Variants in OPCML observed in about 807,000 individuals in gnomAD.
OPCML encodes the protein opioid binding protein/cell adhesion molecule like.
A neutral mutation model predicts 37.8 loss-of-function variants in OPCML; 13 were observed. That is an observed-to-expected ratio of 0.34 (90% CI 0.22 to 0.55). The LOEUF (loss-of-function observed/expected upper bound fraction) is 0.55. Among genes scored for constraint, OPCML ranks in the 20% least tolerant of loss-of-function variants. OPCML has a pLI of 0.91. For missense variants in OPCML, 341 were observed against 435.6 expected, an observed-to-expected ratio of 0.78 and a Z score of 1.93; for synonymous variants, 176 against 168.8, an observed-to-expected ratio of 1.04 and a Z score of -0.33.
intron 1 of OPCML, among the ~76,000 whole-genome samples, chr11:133,245,831 G>A (rs1171356950): frequency 2.0e-5 from 3 of 152,154 alleles, no homozygotes; most frequent in African/African-American, 4.8e-5. Flanking sequence ...CATGGATAAA[G>A]CCGGAAACCA....
intron 1 of OPCML, among the ~76,000 whole-genome samples, chr11:133,239,205 G>A (rs923748443): frequency 2.6e-5 from 4 of 152,216 alleles, no homozygotes; most frequent in Non-Finnish European, 5.9e-5. Flanking sequence ...CATGAAGCTA[G>A]GCACACACCA....
chr11:132,883,450 C>A (rs1943292600), intron 2 of OPCML, among the ~76,000 whole-genome samples: 1 of 152,132 alleles, frequency 6.6e-6, no homozygotes, highest in Non-Finnish European at 1.5e-5. Context: ...TAGAGAGCTG[C>A]AAAATTACCA....
intron 1 of OPCML, among the ~76,000 whole-genome samples, chr11:133,085,311 C>G (rs1456953790): frequency 2.6e-5 from 4 of 152,180 alleles, no homozygotes; most frequent in African/African-American, 9.6e-5. Context: ...AGTTTCCCCT[C>G]ATTACCTTCC....
chr11:132,679,142 C>T (rs914311588), intron 2 of OPCML, among the ~76,000 whole-genome samples: 1 of 152,140 alleles, frequency 6.6e-6, no homozygotes, highest in Non-Finnish European at 1.5e-5. Flanking sequence ...TCCTCAGGGA[C>T]TGCTTGTGGG....
chr11:133,068,939 A>G (rs1948481240), intron 1 of OPCML, among the ~76,000 whole-genome samples: 1 of 152,234 alleles, frequency 6.6e-6, no homozygotes, highest in South Asian at 2.1e-4. Context: ...CTTAGTTCAC[A>G]GTGAGAGATG....
chr11:132,914,367 C>T lies in OPCML; in HGVS notation c.146+28559G>A, dbSNP rs150666877. On this transcript the variant is annotated intron_variant, in intron 2 of 7. Transcript: ENST00000524381. ...GAGTTTGCACATCTAATTACACGACCTGGTAATATGGTTCGTCTCTTGTGA... is the reference window on the plus strand; with the variant it reads ...GAGTTTGCACATCTAATTACACGACTTGGTAATATGGTTCGTCTCTTGTGA... Among the ~76,000 whole-genome samples the T allele has an allele frequency of 2.5e-3, 376 of 152,320 alleles. 1 individual carries two copies. The highest frequency in any genetic ancestry group is 8.6e-3 in the African/African-American group (357 of 41,572).
intron 1 of OPCML, among the ~76,000 whole-genome samples, chr11:133,399,512 T>G (rs1945355568): frequency 6.6e-6 from 1 of 152,094 alleles, no homozygotes; most frequent in African/African-American, 2.4e-5. Context: ...TGCCACCCTC[T>G]CACAGTGCAG....
At position 133,511,641 on chromosome 11, in the gene OPCML, C is replaced by G. The variant is rs957322720; in HGVS notation, c.61+20623G>C. Among the ~76,000 whole-genome samples, 7 of 152,122 alleles carry G rather than the reference C, an allele frequency of 4.6e-5. No individual in the cohort carries two copies. The East Asian group carries it at 1.2e-3, about 25-fold the overall frequency. On this transcript the variant is annotated intron_variant, in intron 1 of 7. Transcript: ENST00000524381. The stretch of plus-strand genomic sequence containing the variant: ...CCTCCTTCAGTGAGGTCTGGCCAGA[C>G]TGGCCTGTTTGTAATTGCGACTCTC...
At position 133,206,880 on chromosome 11, in the gene OPCML, A is replaced by G. The variant is rs1427936895; in HGVS notation, c.62-263870T>C. Among the ~76,000 whole-genome samples the G allele has an allele frequency of 6.6e-6, 1 of 152,182 alleles. No homozygotes were observed. Among genetic ancestry groups the G allele is most frequent in the Non-Finnish European group, 1.5e-5 (1 of 68,020 alleles). On this transcript the variant is annotated intron_variant, in intron 1 of 7. Coordinates refer to ENST00000524381, the MANE Select transcript of OPCML (RefSeq NM_001012393.5). The surrounding 1 kb of genome is among the most constrained non-coding windows in gnomAD (Gnocchi z 4.7). ...GACCTATTCATGTCTTAGGACGGGTAGGTGGAGGGAGCCTGGGATCACCAA... is the reference window on the plus strand; with the variant it reads ...GACCTATTCATGTCTTAGGACGGGTGGGTGGAGGGAGCCTGGGATCACCAA...
chr11:133,116,769 T>C (rs1949340175), intron 1 of OPCML, among the ~76,000 whole-genome samples: 1 of 149,862 alleles, frequency 6.7e-6, no homozygotes, highest in Non-Finnish European at 1.5e-5. Context: ...CTTTGTAACT[T>C]ATAAGTAATT....
chr11:133,353,688 G>A (rs1944195814), intron 1 of OPCML, among the ~76,000 whole-genome samples: 1 of 152,158 alleles, frequency 6.6e-6, no homozygotes, highest in Non-Finnish European at 1.5e-5. Flanking sequence ...CACTTGGCAG[G>A]CAGGAGCCTG....
intron 1 of OPCML, among the ~76,000 whole-genome samples, chr11:133,286,394 C>A (rs12417484): frequency 0.055 from 7,803 of 141,686 alleles, 278 homozygotes; most frequent in African/African-American, 0.098. Flanking sequence ...GGCGTGAACC[C>A]GGGAGGCGGA....
intron 1 of OPCML, among the ~76,000 whole-genome samples, chr11:133,197,561 C>T (rs1447272191): frequency 6.6e-6 from 1 of 152,168 alleles, no homozygotes; most frequent in Non-Finnish European, 1.5e-5. Flanking sequence ...GATAATAAGC[C>T]ACTTGCTCAA....
rs147861794 is a variant in OPCML, at chr11:132,689,205, C to T, written c.147-31886G>A. ...CAAAGAAAACATTCAATAATGTCAT[C>T]TAAATTGTGAAGGGCAATTAGATTG... On this transcript the variant is annotated intron_variant, in intron 2 of 7. Transcript: ENST00000524381. Among the ~76,000 whole-genome samples the T allele has an allele frequency of 2.6e-3, 389 of 152,266 alleles. 1 individual carries two copies. Among genetic ancestry groups the T allele is most frequent in the Middle Eastern group, 6.8e-3 (2 of 294 alleles).
At chr11:133,279,239 C>T (rs1272495041) in intron 1 of OPCML, among the ~76,000 whole-genome samples, 2 of 152,182 alleles carry the variant, frequency 1.3e-5, no homozygotes, top group East Asian at 3.8e-4. Flanking sequence ...TCTCACAAAT[C>T]GTCATCATGT....
At chr11:132,676,789 G>GAAAAAAAAAAAAAAAAAAAAAAAACAAA (rs1196087295) in intron 2 of OPCML, among the ~76,000 whole-genome samples, 1 of 93,806 alleles carries the variant, frequency 1.1e-5, no homozygotes, top group African/African-American at 3.4e-5. Context: ...AAACAAACAA[G>GAAAAAAAAAAAAAAAAAAAAAAAACAAA]AAAAAAAAAA....
chr11:132,650,423 T>C (rs1565745251), intron 3 of OPCML, among the ~76,000 whole-genome samples: 2 of 152,156 alleles, frequency 1.3e-5, no homozygotes, highest in Non-Finnish European at 1.5e-5. Flanking sequence ...GAAAGGACTT[T>C]CATATCATCA....
chr11:133,278,070 G>A (rs543909293), intron 1 of OPCML, among the ~76,000 whole-genome samples: 3 of 152,250 alleles, frequency 2.0e-5, no homozygotes, highest in South Asian at 2.1e-4. Flanking sequence ...AAAGTGAGCC[G>A]GGGACACCTT....
At chr11:132,468,723 C>T (rs749042147) in intron 4 of OPCML, among the ~76,000 whole-genome samples, 12 of 152,162 alleles carry the variant, frequency 7.9e-5, no homozygotes, top group East Asian at 3.8e-4. Context: ...GATTACATAA[C>T]GCTCTGTGAG....
Sources: allele counts gnomAD v4.1 joint callset (sites outside exome capture counted in the v4.1 genomes callset), GRCh38; gene constraint gnomAD v4.1.1; non-coding constraint Gnocchi (gnomAD v3.1); transcripts MANE v1.5; gene names NCBI Gene and HGNC (gene_info 2026-07-23, HGNC 2026-07-21).